RIMS4: variants seen among roughly 807,000 people sequenced by gnomAD.
The protein encoded by RIMS4 is regulating synaptic membrane exocytosis protein 4.
A neutral mutation model predicts 29.0 loss-of-function variants in RIMS4; 9 were observed. That is an observed-to-expected ratio of 0.31 (90% CI 0.19 to 0.54). The LOEUF (loss-of-function observed/expected upper bound fraction) is 0.54, where lower values mean the gene tolerates loss of function less well. RIMS4 is among the 20% of genes least tolerant of loss of function. The pLI, the probability that RIMS4 is intolerant of heterozygous loss-of-function variation, is 0.94. For synonymous variants in RIMS4, 130 were observed against 152.9 expected (o/e 0.85, Z 1.10); for missense variants, 193 against 365.7 (o/e 0.53, Z 3.85).
At chr20:44,761,391 T>C (rs2145445605) in intron 2 of RIMS4, among the ~76,000 whole-genome samples, 1 of 152,314 alleles carries the variant, frequency 6.6e-6, no homozygotes, top group East Asian at 1.9e-4. Flanking sequence ...CCACTAGGTC[T>C]GAGGGCTTAT....
intron 2 of RIMS4, among the ~76,000 whole-genome samples, chr20:44,764,184 A>ATTTATCCATCCG (rs1568895690): frequency 1.4e-3 from 17 of 12,124 alleles, no homozygotes; most frequent in East Asian, 3.0e-3. Context: ...CCATCCATCC[A>ATTTATCCATCCG]TCCATTTATC....
chr20:44,757,924 G>A, intron 3 of RIMS4, 148 bp downstream of exon 3: 1 of 937,504 alleles, frequency 1.1e-6, no homozygotes, highest in Non-Finnish European at 1.7e-6. Context: ...CCTAGGCTCT[G>A]CTGAGGGCTT....
rs1737456453 is a variant in RIMS4, at chr20:44,755,498, C to G, written c.*636G>C. 1 of 153,080 alleles carries G rather than the reference C, an allele frequency of 6.5e-6. No individual in the cohort carries two copies. Among genetic ancestry groups the G allele is most frequent in the Non-Finnish European group, 1.5e-5 (1 of 68,372 alleles). 9.5% of individuals were successfully genotyped at this position (153,080 alleles called of 1,614,324 possible). A position where few individuals can be genotyped will look rare whatever the true frequency, so the allele number is the denominator to read the frequency against. On this transcript the variant is annotated 3_prime_UTR_variant, in exon 6 of 6. Transcript: ENST00000372851. ...CTCCTTTCCTTTGGTCCCTGCTGAA[C>G]CCCAATTCCTAGAGCCACCAGAAGA...
chr20:44,771,425 A>G lies in RIMS4; in HGVS notation c.98-12T>C. ...CCTCCGGCTGTCCCCTTCTGGGCAAAGCGGCCAAGAGAGATGGGAAGAGAG... is the reference window on the plus strand; with the variant it reads ...CCTCCGGCTGTCCCCTTCTGGGCAAGGCGGCCAAGAGAGATGGGAAGAGAG... On this transcript the variant is annotated splice_polypyrimidine_tract_variant and intron_variant, in intron 1 of 5. Transcript: ENST00000372851. 6.2e-7 allele frequency: 1 copy of G among 1,603,540 alleles called. No homozygotes were observed. The highest frequency in any genetic ancestry group is 8.5e-7 in the Non-Finnish European group (1 of 1,172,740).
intron 1 of RIMS4, among the ~76,000 whole-genome samples, chr20:44,775,608 T>A (rs2066156838): frequency 6.6e-6 from 1 of 152,210 alleles, no homozygotes. Flanking sequence ...GGGCCACCCT[T>A]TCGGGACCTG....
intron 1 of RIMS4, among the ~76,000 whole-genome samples, chr20:44,794,311 C>T (rs1345441359): frequency 2.0e-5 from 3 of 152,112 alleles, no homozygotes; most frequent in Non-Finnish European, 4.4e-5. Context: ...TGAGGAGTCG[C>T]ATCTGTAGGC....
intron 1 of RIMS4, 146 bp downstream of exon 1, chr20:44,810,028 TG>T (rs2066316673): frequency 2.9e-6 from 1 of 350,608 alleles, no homozygotes; most frequent in Non-Finnish European, 5.4e-6. Context: ...CTGGAGACCC[TG>T]GGGTCCCGTG....
intron 2 of RIMS4, among the ~76,000 whole-genome samples, chr20:44,768,971 A>G (rs1163333401): frequency 6.6e-6 from 1 of 152,186 alleles, no homozygotes; most frequent in African/African-American, 2.4e-5. Flanking sequence ...AACATATTGA[A>G]CCCTCACAAC....
chr20:44,807,117 C>T (rs2066302378), intron 1 of RIMS4, among the ~76,000 whole-genome samples: 1 of 152,154 alleles, frequency 6.6e-6, no homozygotes, highest in East Asian at 1.9e-4. Flanking sequence ...GCACATGTTT[C>T]CCTAAAGCCC....
chr20:44,804,798 T>C (rs1043410379), intron 1 of RIMS4, among the ~76,000 whole-genome samples: 6 of 152,034 alleles, frequency 3.9e-5, no homozygotes, highest in Admixed American at 6.5e-5. Flanking sequence ...GGTGGGCCTA[T>C]GGCAGCTGCA....
chr20:44,767,109 C>G (rs1225439186), intron 2 of RIMS4, among the ~76,000 whole-genome samples: 1 of 152,214 alleles, frequency 6.6e-6, no homozygotes, highest in Non-Finnish European at 1.5e-5. Context: ...ACCTCTCTCC[C>G]ACATGCTCCT....
At chr20:44,779,295 T>C (rs2066173625) in intron 1 of RIMS4, among the ~76,000 whole-genome samples, 1 of 152,206 alleles carries the variant, frequency 6.6e-6, no homozygotes, top group African/African-American at 2.4e-5. Flanking sequence ...TATCGCACAG[T>C]TGTAAGTGTA....
At chr20:44,782,381 T>C (rs1023994832) in intron 1 of RIMS4, among the ~76,000 whole-genome samples, 2 of 152,138 alleles carry the variant, frequency 1.3e-5, no homozygotes, top group African/African-American at 4.8e-5. Flanking sequence ...TCTCCTGCCT[T>C]AGCCTCCCAA....
intron 2 of RIMS4, among the ~76,000 whole-genome samples, chr20:44,766,086 AGGGACAG>A (rs2066112382): frequency 6.6e-6 from 1 of 152,174 alleles, no homozygotes; most frequent in South Asian, 2.1e-4. Flanking sequence ...GTGGTGGGGG[AGGGACAG>A]GGGACTGTGA....
chr20:44,774,063 C>T (rs570639269), intron 1 of RIMS4, among the ~76,000 whole-genome samples: 34 of 152,228 alleles, frequency 2.2e-4, no homozygotes, highest in East Asian at 5.8e-4. Context: ...CTAGGGACCA[C>T]GACTGGACCC....
At chr20:44,779,034 T>C (rs2066172378) in intron 1 of RIMS4, among the ~76,000 whole-genome samples, 1 of 152,188 alleles carries the variant, frequency 6.6e-6, no homozygotes. Flanking sequence ...GCTTGCAGAA[T>C]AAATTCCAAT....
Position 44,756,967 on chromosome 20 carries a change from G to C in RIMS4, c.522C>G (p.Arg174=), listed in dbSNP as rs761090605. ...CIAKKKTKVA[R]KSLDPLYNQV... is the part of the protein sequence containing the mutation. ...GGTTATACAGTGGGTCCAGCGACTT[G>C]CGAGCGACTTTGGTCTTCTTCTTGG... The change falls in exon 5 of 6, where the codon CGC becomes CGG. Residue 174 remains arginine (R), a synonymous_variant. Transcript: ENST00000372851. The surrounding 1 kb of genome is among the most constrained non-coding windows in gnomAD (Gnocchi z 5.9). The C allele has an allele frequency of 6.2e-7, 1 of 1,614,124 alleles. No individual in the cohort carries two copies. Among genetic ancestry groups the C allele is most frequent in the African/African-American group, 1.3e-5 (1 of 75,018 alleles).
chr20:44,764,125 T>C (rs373383961), intron 2 of RIMS4, among the ~76,000 whole-genome samples: 29 of 148,802 alleles, frequency 1.9e-4, no homozygotes, highest in East Asian at 8.0e-4. Context: ...TATCCATCCA[T>C]CCATCCATCC....
intron 1 of RIMS4, among the ~76,000 whole-genome samples, chr20:44,774,172 G>A (rs1489097547): frequency 6.6e-6 from 1 of 152,060 alleles, no homozygotes; most frequent in Non-Finnish European, 1.5e-5. Flanking sequence ...CTGTTCCAGT[G>A]CTTTCCCAAC....
Sources: allele counts gnomAD v4.1 joint callset (sites outside exome capture counted in the v4.1 genomes callset), GRCh38; gene constraint gnomAD v4.1.1; non-coding constraint Gnocchi (gnomAD v3.1); transcripts MANE v1.5; gene names NCBI Gene and HGNC (gene_info 2026-07-23, HGNC 2026-07-21).